The following IGSF21 variants were observed in gnomAD, a reference collection of about 807,000 sequenced individuals.
IGSF21 encodes the protein immunoglobulin superfamily member 21.
IGSF21 carries 28 observed loss-of-function variants against 46.8 expected under a neutral mutation model. The observed-to-expected ratio is 0.60, with a 90% CI of 0.44 to 0.82. IGSF21 has a LOEUF of 0.82. Ranked by LOEUF, IGSF21 falls within the 40% of genes least tolerant of loss-of-function variation. The pLI is 0.00. For missense variants in IGSF21, 624 were observed against 665.5 expected, an observed-to-expected ratio of 0.94 and a Z score of 0.69; for synonymous variants, 284 against 273.6, an observed-to-expected ratio of 1.04 and a Z score of -0.38.
intron 2 of IGSF21, among the ~76,000 whole-genome samples, chr1:18,262,578 G>A (rs577698762): frequency 3.9e-5 from 6 of 152,296 alleles, no homozygotes; most frequent in South Asian, 2.1e-4. Flanking sequence ...TAGATGCACC[G>A]TAAATGTTTA....
At chr1:18,368,507 T>G (rs2086190410) in intron 6 of IGSF21, among the ~76,000 whole-genome samples, 1 of 85,780 alleles carries the variant, frequency 1.2e-5, no homozygotes, top group Non-Finnish European at 2.7e-5. Flanking sequence ...TGAGACTTCA[T>G]CTCAAAAAGA....
chr1:18,158,663 A>G (rs528888847), intron 1 of IGSF21, among the ~76,000 whole-genome samples: 8 of 151,742 alleles, frequency 5.3e-5, no homozygotes, highest in Admixed American at 4.6e-4. Flanking sequence ...TTCTCTCTCA[A>G]TCTCTCTGCC....
At chr1:18,212,582 C>T (rs1018408283) in intron 1 of IGSF21, among the ~76,000 whole-genome samples, 1 of 152,202 alleles carries the variant, frequency 6.6e-6, no homozygotes, top group Admixed American at 6.5e-5. Flanking sequence ...AGGGCTAGCC[C>T]GGGGTCTTCT....
At chr1:18,159,539 C>G (rs1451093428) in intron 1 of IGSF21, among the ~76,000 whole-genome samples, 1 of 152,172 alleles carries the variant, frequency 6.6e-6, no homozygotes, top group Non-Finnish European at 1.5e-5. Context: ...AAGGAGAAAA[C>G]TCTTTTGCTT....
At chr1:18,304,732 C>T (rs1004032402) in intron 3 of IGSF21, among the ~76,000 whole-genome samples, 7 of 150,286 alleles carry the variant, frequency 4.7e-5, no homozygotes, top group Admixed American at 3.3e-4. Context: ...CACACACATA[C>T]ACACACACAC....
intron 1 of IGSF21, among the ~76,000 whole-genome samples, chr1:18,155,438 GTGTACCATGAGC>G (rs565965643): frequency 1.6e-4 from 25 of 152,322 alleles, no homozygotes; most frequent in African/African-American, 4.6e-4. Flanking sequence ...TCCAGCCCTT[GTGTACCATGAGC>G]TTGGCACCTC....
chr1:18,132,909 G>C (rs1473410393), intron 1 of IGSF21, among the ~76,000 whole-genome samples: 1 of 137,066 alleles, frequency 7.3e-6, no homozygotes, highest in Non-Finnish European at 1.6e-5. Context: ...CTGAGCAGGT[G>C]GAGGGAGTGG....
chr1:18,199,784 A>T (rs1293823000), intron 1 of IGSF21, among the ~76,000 whole-genome samples: 2 of 152,094 alleles, frequency 1.3e-5, no homozygotes, highest in African/African-American at 4.8e-5. Context: ...TCAGCTGGGA[A>T]CACATGTTAA....
intron 1 of IGSF21, among the ~76,000 whole-genome samples, chr1:18,218,486 C>T (rs532506102): frequency 1.5e-4 from 23 of 152,364 alleles, no homozygotes; most frequent in Admixed American, 1.4e-3. Flanking sequence ...AGACAAGCCT[C>T]ATTTCATCTT....
At chr1:18,144,461 CT>C (rs1479012857) in intron 1 of IGSF21, among the ~76,000 whole-genome samples, 5 of 152,214 alleles carry the variant, frequency 3.3e-5, no homozygotes, top group Non-Finnish European at 5.9e-5. Context: ...GGCTCTGCCC[CT>C]GACCCTGAAG....
chr1:18,112,974 C>CTCCT (rs1168872999), intron 1 of IGSF21: 1 of 152,272 alleles, frequency 6.6e-6, no homozygotes, highest in Non-Finnish European at 1.5e-5. Context: ...CCCCCATCCA[C>CTCCT]TCCTGTTCCC....
intron 1 of IGSF21, among the ~76,000 whole-genome samples, chr1:18,189,852 G>A (rs529997402): frequency 6.6e-6 from 1 of 152,156 alleles, no homozygotes; most frequent in Non-Finnish European, 1.5e-5. Context: ...GCTGGTACCG[G>A]ATTTGAACTT....
At chr1:18,371,305 C>T (rs1316137589) in intron 6 of IGSF21, among the ~76,000 whole-genome samples, 1 of 152,212 alleles carries the variant, frequency 6.6e-6, no homozygotes, top group Non-Finnish European at 1.5e-5. Context: ...GGCACGGTGG[C>T]TTACACTTGC....
At chr1:18,173,026 C>T (rs530457922) in intron 1 of IGSF21, among the ~76,000 whole-genome samples, 6 of 152,322 alleles carry the variant, frequency 3.9e-5, no homozygotes, top group South Asian at 2.1e-4. Context: ...CGGTGGCTCA[C>T]GCCTGTAATC....
At chr1:18,377,316 C>G in intron 8 of IGSF21, 77 bp from the exon 9 acceptor site, 1 of 1,284,328 alleles carries the variant, frequency 7.8e-7, no homozygotes, top group Non-Finnish European at 1.1e-6. Flanking sequence ...ACAGCAGGTG[C>G]TGGGTAAAGG....
intron 1 of IGSF21, among the ~76,000 whole-genome samples, chr1:18,188,332 C>T (rs1469466904): frequency 2.0e-5 from 3 of 152,116 alleles, no homozygotes; most frequent in Non-Finnish European, 4.4e-5. Flanking sequence ...TTTAGATCTC[C>T]TCCTTGGAAA....
At chr1:18,273,229 C>T (rs555303261) in intron 2 of IGSF21, among the ~76,000 whole-genome samples, 12 of 151,398 alleles carry the variant, frequency 7.9e-5, no homozygotes, top group African/African-American at 1.7e-4. Context: ...TTAGTAGAGA[C>T]GGGGTTTCAC....
intron 3 of IGSF21, among the ~76,000 whole-genome samples, chr1:18,306,251 C>T (rs1345147691): frequency 6.6e-6 from 1 of 152,188 alleles, no homozygotes; most frequent in Admixed American, 6.5e-5. Context: ...GACACCTTGG[C>T]CTTCTCGCCA....
intron 1 of IGSF21, among the ~76,000 whole-genome samples, chr1:18,203,421 G>A (rs1318932631): frequency 6.6e-6 from 1 of 152,174 alleles, no homozygotes; most frequent in African/African-American, 2.4e-5. Context: ...CGATTCTTGT[G>A]CCTCAGCCTC....
Sources: allele counts gnomAD v4.1 joint callset (sites outside exome capture counted in the v4.1 genomes callset), GRCh38; gene constraint gnomAD v4.1.1; transcripts MANE v1.5; gene names NCBI Gene and HGNC (gene_info 2026-07-23, HGNC 2026-07-21).